Variants in ERC2 observed in about 807,000 individuals in gnomAD.
ERC2 encodes ELKS/RAB6-interacting/CAST family member 2, also known as ERC protein 2.
Under a neutral mutation model 114.8 loss-of-function variants are expected in ERC2, and 42 were observed. The ratio of observed to expected loss-of-function variants is 0.37; its 90% CI spans 0.29 to 0.47. The LOEUF (loss-of-function observed/expected upper bound fraction) is 0.47, where lower values mean the gene tolerates loss of function less well. ERC2 is among the 20% of genes least tolerant of loss of function. ERC2 has a pLI of 0.99. For synonymous variants in ERC2, 454 were observed against 425.5 expected (o/e 1.07, Z -0.82); for missense variants, 939 against 1,150.7 (o/e 0.82, Z 2.66).
intron 1 of ERC2, among the ~76,000 whole-genome samples, chr3:56,462,379 CCA>C (rs2063351312): frequency 6.6e-6 from 1 of 152,142 alleles, no homozygotes; most frequent in Non-Finnish European, 1.5e-5. Flanking sequence ...TGTTTCATGC[CCA>C]GTTTTCCCTC....
intron 6 of ERC2, among the ~76,000 whole-genome samples, chr3:56,083,849 G>A (rs2077364730): frequency 6.6e-6 from 1 of 151,738 alleles, no homozygotes; most frequent in African/African-American, 2.4e-5. Flanking sequence ...GAAGCAAGTA[G>A]GTTATTTAGA....
chr3:56,073,929 C>CT (rs1288575518), intron 7 of ERC2, among the ~76,000 whole-genome samples: 1 of 152,122 alleles, frequency 6.6e-6, no homozygotes, highest in African/African-American at 2.4e-5. Context: ...CACAATCTTT[C>CT]TTTTTTCTAC....
intron 13 of ERC2, among the ~76,000 whole-genome samples, chr3:55,928,456 A>C (rs1276072962): frequency 6.6e-6 from 1 of 151,966 alleles, no homozygotes; most frequent in East Asian, 1.9e-4. Context: ...TTTTAATCGA[A>C]TTATTCAATT....
intron 17 of ERC2, among the ~76,000 whole-genome samples, chr3:55,677,563 C>T (rs1029926571): frequency 1.4e-4 from 21 of 152,164 alleles, no homozygotes; most frequent in African/African-American, 5.1e-4. Context: ...GCATCTTACT[C>T]AGCTCATCAC....
At chr3:55,722,495 T>C (rs534919019) in intron 15 of ERC2, among the ~76,000 whole-genome samples, 2 of 152,196 alleles carry the variant, frequency 1.3e-5, no homozygotes, top group Non-Finnish European at 2.9e-5. Context: ...GCTCCCCAAA[T>C]CCCTCATAGA....
chr3:56,145,219 A>C (rs1021264223), intron 5 of ERC2, among the ~76,000 whole-genome samples: 1 of 152,204 alleles, frequency 6.6e-6, no homozygotes, highest in Admixed American at 6.5e-5. Context: ...TTTGTAATCT[A>C]TCAGAGGTTT....
rs373838340 is a variant in ERC2 at position 55,683,871 on chromosome 3, C to T, written c.2848-12G>A. ...CCCTCCTCGTCATCCTGCGGCCGGC[C>T]CGAGGTGGGGAGGTGCACAGAGAGG... On this transcript the variant is annotated splice_polypyrimidine_tract_variant and intron_variant, in intron 16 of 17. Transcript: ENST00000288221. 1 of 1,610,832 alleles carries T rather than the reference C, an allele frequency of 6.2e-7. No individual in the cohort carries two copies. Among genetic ancestry groups the T allele is most frequent in the Non-Finnish European group, 8.5e-7 (1 of 1,178,670 alleles).
intron 2 of ERC2, among the ~76,000 whole-genome samples, chr3:56,414,917 C>G (rs1393698880): frequency 6.6e-6 from 1 of 152,172 alleles, no homozygotes. Context: ...AAATGTACAT[C>G]TGTCAACCAA....
intron 2 of ERC2, among the ~76,000 whole-genome samples, chr3:56,381,811 G>C (rs13098861): frequency 0.23 from 35,312 of 152,020 alleles, 4,684 homozygotes; most frequent in Non-Finnish European, 0.29. Context: ...TGGCTCATGA[G>C]AGACTCTGAT....
chr3:56,156,950 A>C (rs566662514), intron 4 of ERC2, among the ~76,000 whole-genome samples: 7 of 151,890 alleles, frequency 4.6e-5, no homozygotes, highest in Non-Finnish European at 1.0e-4. Flanking sequence ...ACAACAACAA[A>C]AAAACAATAG....
At chr3:56,233,651 A>G (rs182652565) in intron 3 of ERC2, among the ~76,000 whole-genome samples, 109 of 151,698 alleles carry the variant, frequency 7.2e-4, no homozygotes, top group Middle Eastern at 3.4e-3. Context: ...TTGCTCTCCT[A>G]TGTTTCTGGA....
chr3:55,541,696 C>G (rs1478301482), intron 17 of ERC2, among the ~76,000 whole-genome samples: 1 of 152,206 alleles, frequency 6.6e-6, no homozygotes, highest in Non-Finnish European at 1.5e-5. Flanking sequence ...ATACTATACA[C>G]AGAATCCAAA....
chr3:56,118,737 C>T (rs1319186874), intron 6 of ERC2, among the ~76,000 whole-genome samples: 7 of 150,900 alleles, frequency 4.6e-5, no homozygotes, highest in Middle Eastern at 3.4e-3. Flanking sequence ...CCCGGGTTCA[C>T]GCCATTCTCC....
At chr3:56,080,769 C>T in intron 7 of ERC2, 48 bp downstream of exon 7, 1 of 1,564,144 alleles carries the variant, frequency 6.4e-7, no homozygotes, top group Non-Finnish European at 8.6e-7. Context: ...TCTAAAATGA[C>T]AAAACATGGA....
chr3:56,205,256 A>G lies in ERC2; in HGVS notation c.1075-31736T>C, dbSNP rs148798367. Among the ~76,000 whole-genome samples the G allele has an allele frequency of 8.5e-5, 13 of 152,312 alleles. No homozygotes were observed. The East Asian group carries it at 2.5e-3, about 29-fold the overall frequency. ...GGACGACTAAATGCTTGATCAGAGC[A>G]AGCAGGACCCTGTGTTCCATAATCA... On this transcript the variant is annotated intron_variant, in intron 3 of 17. Coordinates refer to ENST00000288221, the MANE Select transcript of ERC2 (RefSeq NM_015576.3).
At chr3:55,594,288 G>A (rs926566264) in intron 17 of ERC2, among the ~76,000 whole-genome samples, 3 of 152,140 alleles carry the variant, frequency 2.0e-5, no homozygotes, top group African/African-American at 7.2e-5. Context: ...GATGGCAACA[G>A]GATTACATGA....
chr3:55,635,627 G>A (rs2148639855), intron 17 of ERC2, among the ~76,000 whole-genome samples: 2 of 151,926 alleles, frequency 1.3e-5, no homozygotes, highest in Non-Finnish European at 2.9e-5. Context: ...TTGGCCTCAA[G>A]TGATCCATCT....
At chr3:56,401,506 T>G (rs2060518118) in intron 2 of ERC2, among the ~76,000 whole-genome samples, 1 of 152,246 alleles carries the variant, frequency 6.6e-6, no homozygotes, top group Admixed American at 6.5e-5. Context: ...TGCAGATAGC[T>G]GCAGAATATT....
chr3:55,510,648 G>T lies in ERC2; in HGVS notation c.*668C>A, dbSNP rs899201652. 11 of 152,594 alleles carry T rather than the reference G, an allele frequency of 7.2e-5. No homozygotes were observed. The highest frequency in any genetic ancestry group is 2.4e-4 in the African/African-American group (10 of 41,416). 9.5% of individuals were successfully genotyped at this position (152,594 alleles called of 1,614,324 possible). A position where few individuals can be genotyped will look rare whatever the true frequency, so the allele number is the denominator to read the frequency against. ...CCAACCTGGCCCAGAGGTGACTACT[G>T]GTTACACCCTCAAAATGCGGTTCTT... is the stretch of plus-strand genomic sequence containing the variant. On this transcript the variant is annotated 3_prime_UTR_variant, in exon 18 of 18. Transcript: ENST00000288221.
Sources: gnomAD v4.1 joint callset for allele counts (sites outside exome capture counted in the v4.1 genomes callset) on GRCh38, gnomAD v4.1.1 for gene constraint, MANE v1.5 for transcripts, NCBI Gene and HGNC (gene_info 2026-07-23, HGNC 2026-07-21) for gene names.